EIF4G3: variants seen among roughly 807,000 people sequenced by gnomAD.
EIF4G3 encodes eIF-4-gamma 3.
Under a neutral mutation model 186.4 loss-of-function variants are expected in EIF4G3, and 34 were observed. The observed-to-expected ratio is 0.18, with a 90% CI of 0.14 to 0.24. The LOEUF (loss-of-function observed/expected upper bound fraction) is 0.24. EIF4G3 is among the 10% of genes least tolerant of loss of function. The pLI is 1.00. For synonymous variants in EIF4G3, 673 were observed against 679.5 expected (o/e 0.99, Z 0.15); for missense variants, 1,536 against 1,948.5 (o/e 0.79, Z 3.99).
chr1:21,008,017 G>C (rs999824115), intron 4 of EIF4G3, among the ~76,000 whole-genome samples: 1 of 152,350 alleles, frequency 6.6e-6, no homozygotes, highest in South Asian at 2.1e-4. Context: ...GCTGGGTGCA[G>C]TGGCTCATGC....
intron 15 of EIF4G3, among the ~76,000 whole-genome samples, 153 bp from the exon 16 acceptor site, chr1:20,900,096 T>TA (rs1021283135): frequency 6.6e-6 from 1 of 151,956 alleles, no homozygotes; most frequent in Non-Finnish European, 1.5e-5. Context: ...ATGCTGAGTT[T>TA]AAAAAAAATA....
At chr1:20,886,408 C>A (rs776355068) in intron 18 of EIF4G3, 37 bp from the exon 19 acceptor site, 3 of 1,596,546 alleles carry the variant, frequency 1.9e-6, no homozygotes, top group South Asian at 1.1e-5. Context: ...AGAGTACTTA[C>A]AATTTATTGG....
At chr1:21,108,789 G>GCTA (rs942602735) in intron 2 of EIF4G3, among the ~76,000 whole-genome samples, 54 of 151,060 alleles carry the variant, frequency 3.6e-4, no homozygotes, top group African/African-American at 1.2e-3. Flanking sequence ...TGTAATCCCA[G>GCTA]CTACTCAGGA....
rs1276586804 is a variant in EIF4G3 at position 20,817,279 on chromosome 1, A to AAT, written c.4515+112_4515+113insAT. 5.5e-4 allele frequency: 163 copies of AAT among 294,956 alleles called. 1 individual carries two copies. The highest frequency in any genetic ancestry group is 5.1e-3 in the South Asian group (27 of 5,280). The allele number at this position is 294,956 out of a possible 1,614,324, so 18.3% of individuals were successfully genotyped here. A position where few individuals can be genotyped will look rare whatever the true frequency, so the allele number is the denominator to read the frequency against. The stretch of plus-strand genomic sequence containing the variant: ...AAATAAATAAAAAAATAAATAAATA[A>AAT]AAAAAAATAAAAATAAAAATTCATG... On this transcript the variant is annotated intron_variant, in intron 34 of 36. Coordinates refer to ENST00000602326, the MANE Select transcript of EIF4G3 (RefSeq NM_001391906.1).
rs141328723 is a variant in EIF4G3 at position 20,879,506 on chromosome 1, T to C, written c.2439A>G (p.Lys813=). 1.1e-5 allele frequency: 16 copies of C among 1,434,398 alleles called. No individual in the cohort carries two copies. In the African/African-American group the frequency reaches 2.0e-4, roughly 18 times the overall value. The allele number at this position is 1,434,398 out of a possible 1,614,324, so 88.9% of individuals were successfully genotyped here. A position where few individuals can be genotyped will look rare whatever the true frequency, so the allele number is the denominator to read the frequency against. ...TCAATTTATTTAAGATACTTCGAAC[T>C]TTTCTAAAAAGCTCCTAGAAGGGCC... The part of the protein sequence containing the change: ...ENIKTQELFR[K]VRSILNKLTP... The change falls in exon 20 of 37, where the codon AAA becomes AAG. Residue 813 remains lysine, a synonymous_variant. Coordinates refer to ENST00000602326, the MANE Select transcript of EIF4G3 (RefSeq NM_001391906.1).
At chr1:21,001,985 A>C (rs1381895728) in intron 5 of EIF4G3, among the ~76,000 whole-genome samples, 1 of 152,192 alleles carries the variant, frequency 6.6e-6, no homozygotes, top group Non-Finnish European at 1.5e-5. Flanking sequence ...TGAGATACAC[A>C]ATGTGAGATG....
In EIF4G3 at chr1:21,080,592, C is replaced by T. The variant is rs2095744800; in HGVS notation, c.-196+8546G>A. ...TGGCGCCATCTCAGCTCACCGCAAC[C>T]TCTGCCTCCGGGGTTCAAGCAATTC... On this transcript the variant is annotated intron_variant, in intron 3 of 36. Coordinates refer to ENST00000602326, the MANE Select transcript of EIF4G3 (RefSeq NM_001391906.1). Among the ~76,000 whole-genome samples the T allele has an allele frequency of 2.6e-5, 4 of 152,302 alleles. No homozygotes were observed. In the South Asian group the frequency reaches 6.2e-4, roughly 24 times the overall value.
In EIF4G3 at chr1:21,036,905, A is replaced by C. The variant is rs532418356; in HGVS notation, c.-67+13961T>G. Among the ~76,000 whole-genome samples, 188 of 152,246 alleles carry C rather than the reference A, an allele frequency of 1.2e-3. 1 individual carries two copies. The highest frequency in any genetic ancestry group is 4.3e-3 in the African/African-American group (178 of 41,532). ...TAAAAAAATAATAAAATAAAAGCTT[A>C]TTTATGAGTTACATTCTAGAAATAT... On this transcript the variant is annotated intron_variant, in intron 4 of 36. Coordinates refer to ENST00000602326, the MANE Select transcript of EIF4G3 (RefSeq NM_001391906.1).
chr1:21,122,959 A>G (rs2096953543), intron 2 of EIF4G3, among the ~76,000 whole-genome samples: 1 of 152,200 alleles, frequency 6.6e-6, no homozygotes, highest in Non-Finnish European at 1.5e-5. Context: ...CACGGTTGGA[A>G]CATGAATGTA....
rs749120653 is a variant in EIF4G3, at chr1:20,884,381, GA to G, written c.2424+1819del. 5.2e-4 allele frequency among the ~76,000 whole-genome samples: 78 copies of G among 151,316 alleles called. No homozygotes were observed. The East Asian group carries it at 7.7e-3, about 15-fold the overall frequency. ...ACTTTTGAAGCTTCAGTTTCCTCAT[GA>G]AAAAAAAGGATAACATCTATTTCCT... On this transcript the variant is annotated intron_variant, in intron 19 of 36. Transcript: ENST00000602326.
chr1:20,935,544 A>AT (rs976021600), intron 14 of EIF4G3, among the ~76,000 whole-genome samples: 3 of 152,134 alleles, frequency 2.0e-5, no homozygotes, highest in Non-Finnish European at 4.4e-5. Flanking sequence ...TTGTGCTTTT[A>AT]TTTTTTAATT....
chr1:21,068,375 T>TAAAAAAAAAAAAAAAAAAAAAA lies in EIF4G3; in HGVS notation c.-195-17403_-195-17382dup, dbSNP rs869306512. Among the ~76,000 whole-genome samples, 40 of 67,832 alleles carry TAAAAAAAAAAAAAAAAAAAAAA rather than the reference T, an allele frequency of 5.9e-4. 2 individuals carry two copies. The highest frequency in any genetic ancestry group is 1.3e-3 in the South Asian group (2 of 1,572). The allele number at this position is 67,832 out of a possible 152,430, so 44.5% of individuals were successfully genotyped here. A position where few individuals can be genotyped will look rare whatever the true frequency, so the allele number is the denominator to read the frequency against. ...GGGCGACAGAGTGAAACTCTGTCTT[T>TAAAAAAAAAAAAAAAAAAAAAA]AAAAAAAAAAAAAAAAAAAAAAAAA... On this transcript the variant is annotated intron_variant, in intron 3 of 36. Transcript: ENST00000602326.
intron 19 of EIF4G3, 43 bp downstream of exon 19, chr1:20,886,158 A>AAT: frequency 1.3e-6 from 2 of 1,563,332 alleles, no homozygotes; most frequent in South Asian, 2.4e-5. Context: ...AAACAAAATC[A>AAT]ATATAATTTC....
intron 13 of EIF4G3, among the ~76,000 whole-genome samples, chr1:20,949,319 T>A (rs1319339263): frequency 6.6e-6 from 1 of 152,244 alleles, no homozygotes; most frequent in Non-Finnish European, 1.5e-5. Context: ...AACAAACATT[T>A]GGCACCTTCA....
At chr1:20,914,931 C>G in intron 14 of EIF4G3, among the ~76,000 whole-genome samples, 1 of 152,184 alleles carries the variant, frequency 6.6e-6, no homozygotes. Flanking sequence ...ATCAAGTTGG[C>G]TGACTATGCT....
chr1:20,869,741 C>T (rs1186647617), intron 20 of EIF4G3, among the ~76,000 whole-genome samples: 1 of 138,140 alleles, frequency 7.2e-6, no homozygotes, highest in Non-Finnish European at 1.5e-5. Flanking sequence ...TGCCACTGCA[C>T]TCTAGCCTGG....
chr1:20,970,647 T>C (rs549669038), intron 11 of EIF4G3, among the ~76,000 whole-genome samples: 3 of 149,708 alleles, frequency 2.0e-5, no homozygotes, highest in Admixed American at 6.7e-5. Flanking sequence ...TACAATTAAA[T>C]ACTTAACAGC....
intron 20 of EIF4G3, among the ~76,000 whole-genome samples, chr1:20,876,772 G>C (rs531006767): frequency 1.3e-5 from 2 of 152,306 alleles, no homozygotes; most frequent in South Asian, 4.1e-4. Flanking sequence ...AAGGCGGGAA[G>C]AGCACTTGAG....
intron 20 of EIF4G3, among the ~76,000 whole-genome samples, chr1:20,868,525 T>A (rs1039891538): frequency 6.6e-6 from 1 of 152,016 alleles, no homozygotes; most frequent in Non-Finnish European, 1.5e-5. Context: ...CACCTCCTAA[T>A]GTAATTATAG....
Sources: gnomAD v4.1 joint callset for allele counts (sites outside exome capture counted in the v4.1 genomes callset) on GRCh38, gnomAD v4.1.1 for gene constraint, MANE v1.5 for transcripts, NCBI Gene and HGNC (gene_info 2026-07-23, HGNC 2026-07-21) for gene names.